MAP7D2: variants seen among roughly 807,000 people sequenced by gnomAD.
MAP7D2 encodes the protein MAP7 domain-containing protein 2.
Under a neutral mutation model 63.5 loss-of-function variants are expected in MAP7D2, and 33 were observed. That is an observed-to-expected ratio of 0.52 (90% CI 0.39 to 0.70). MAP7D2 has a LOEUF of 0.70. MAP7D2 is among the 30% of genes least tolerant of loss of function. The probability of loss-of-function intolerance (pLI) is 0.00; values close to 1 mark genes in which losing one functional copy is unlikely to be tolerated. For synonymous variants in MAP7D2, 224 were observed against 223.7 expected, an observed-to-expected ratio of 1.00 and a Z score of -0.01; for missense variants, 626 against 604.0, an observed-to-expected ratio of 1.04 and a Z score of -0.38.
rs764871121 is a variant in MAP7D2 at position 20,056,806 on chromosome X, T to C, written c.373-15A>G. On this transcript the variant is annotated splice_polypyrimidine_tract_variant and intron_variant, in intron 3 of 16. Transcript: ENST00000379643. ...TCCAGCCGTTCCTACACAGTTCGTGTAAGGCAAGTGTTAACAAGATTAACT... is the reference window on the plus strand; with the variant it reads ...TCCAGCCGTTCCTACACAGTTCGTGCAAGGCAAGTGTTAACAAGATTAACT... The C allele has an allele frequency of 8.4e-7, 1 of 1,197,247 alleles. No individual in the cohort carries two copies. Among genetic ancestry groups the C allele is most frequent in the Admixed American group, 2.2e-5 (1 of 46,022 alleles).
chrX:20,018,516 C>T (rs1240334172), intron 10 of MAP7D2, among the ~76,000 whole-genome samples: 1 of 101,234 alleles, frequency 9.9e-6, no homozygotes, highest in Non-Finnish European at 2.0e-5. Context: ...GATCTTGGCT[C>T]ACTACAACCT....
At chrX:20,099,498 G>A (rs934491616) in intron 1 of MAP7D2, among the ~76,000 whole-genome samples, 2 of 111,687 alleles carry the variant, frequency 1.8e-5, no homozygotes, top group East Asian at 2.8e-4. Context: ...CCCACCTTCC[G>A]AGATTCTTTT....
chrX:20,034,156 C>T (rs1380632654), intron 8 of MAP7D2, among the ~76,000 whole-genome samples: 2 of 87,988 alleles, frequency 2.3e-5, no homozygotes, highest in Admixed American at 1.6e-4. Flanking sequence ...ACCTGCCAGG[C>T]AAAGGTTGCT....
chrX:20,071,306 T>A (rs954982012), intron 1 of MAP7D2, among the ~76,000 whole-genome samples: 4 of 112,395 alleles, frequency 3.6e-5, no homozygotes, highest in African/African-American at 1.3e-4. Flanking sequence ...GATGCCTGGG[T>A]CTCCCTTCAG....
At chrX:20,074,577 A>C (rs2065597655) in intron 1 of MAP7D2, among the ~76,000 whole-genome samples, 1 of 111,733 alleles carries the variant, frequency 8.9e-6, no homozygotes. Flanking sequence ...TTCCCATTTA[A>C]ATTTCTTTCA....
intron 15 of MAP7D2, among the ~76,000 whole-genome samples, 158 bp downstream of exon 15, chrX:20,012,191 G>A (rs748772973): frequency 8.9e-6 from 1 of 111,767 alleles, no homozygotes; most frequent in East Asian, 2.8e-4. Flanking sequence ...GGAACCTGAC[G>A]CAAGACACTA....
intron 1 of MAP7D2, among the ~76,000 whole-genome samples, chrX:20,094,546 A>ATATATATATATATATATATATG (rs2066189503): frequency 1.2e-4 from 1 of 8,500 alleles, no homozygotes; most frequent in Non-Finnish European, 1.9e-4. Flanking sequence ...ATATATGTAT[A>ATATATATATATATATATATATG]TATATATATA....
At chrX:20,077,953 G>A (rs1452178566) in intron 1 of MAP7D2, among the ~76,000 whole-genome samples, 1 of 112,059 alleles carries the variant, frequency 8.9e-6, no homozygotes, top group African/African-American at 3.2e-5. Context: ...GAGAGATCCT[G>A]TCTTCAGCAA....
intron 8 of MAP7D2, 147 bp from the exon 9 acceptor site, chrX:20,026,099 A>G (rs917153905): frequency 6.2e-6 from 4 of 641,072 alleles, no homozygotes; most frequent in Non-Finnish European, 9.4e-6. Flanking sequence ...AAAAGTCACT[A>G]AAGTGCTCTC....
intron 1 of MAP7D2, among the ~76,000 whole-genome samples, chrX:20,065,032 C>A (rs2065316575): frequency 9.0e-6 from 1 of 111,470 alleles, no homozygotes; most frequent in Non-Finnish European, 1.9e-5. Flanking sequence ...TGTAGTTGGG[C>A]CAACATCAGC....
At position 20,025,349 on chromosome X, in the gene MAP7D2, T is replaced by C. The variant is rs115070478; in HGVS notation, c.1280-266A>G. 3.6e-5 allele frequency among the ~76,000 whole-genome samples: 4 copies of C among 111,898 alleles called. No homozygotes were observed. In the Admixed American group the frequency reaches 3.8e-4, roughly 11 times the overall value. On this transcript the variant is annotated intron_variant, in intron 9 of 16. Transcript: ENST00000379643. Reference sequence around the variant, plus strand: ...CTAGCAAGTGCCACAGCAGCCACCATCTGGGTGAACTCACTGCATCATAGA... The same window carrying C: ...CTAGCAAGTGCCACAGCAGCCACCACCTGGGTGAACTCACTGCATCATAGA...
At position 20,027,794 on chromosome X, in the gene MAP7D2, G is replaced by C. The variant is rs959354562; in HGVS notation, c.1008-1842C>G. 3.9e-4 allele frequency among the ~76,000 whole-genome samples: 42 copies of C among 106,911 alleles called. 1 individual carries two copies. Among genetic ancestry groups the C allele is most frequent in the African/African-American group, 1.2e-3 (36 of 29,086 alleles). The allele number at this position is 106,911 out of a possible 115,157, so 92.8% of individuals were successfully genotyped here. ...AGAGAGAGAGAGAGAGAGAGAGACA[G>C]AGACAGACAGAGACAGAGACAGATG... is the stretch of plus-strand genomic sequence containing the variant. On this transcript the variant is annotated intron_variant, in intron 8 of 16. Coordinates refer to ENST00000379643, the MANE Select transcript of MAP7D2 (RefSeq NM_001168465.2).
In MAP7D2 at chrX:20,050,832, T is replaced by A. The variant is rs762764716; in HGVS notation, c.710A>T (p.Asn237Ile). Residue 237 changes from asparagine (N) to isoleucine (I), a missense_variant, in exon 6 of 17, where the codon AAT (asparagine) becomes ATT (isoleucine). By Grantham distance (149) the Asn-to-Ile change is moderately radical. Coordinates refer to ENST00000379643, the MANE Select transcript of MAP7D2 (RefSeq NM_001168465.2). ...RASVMLSGQA[N>I]DSVFHVCPRL... ...AGCTTAGCCTCTTTTACCTGAATCA[T>A]TGGCCTGCCCAGAGAGCATGACTGA... 13 of 1,182,762 alleles carry A rather than the reference T, an allele frequency of 1.1e-5. No homozygotes were observed. The South Asian group carries it at 2.3e-4, about 21-fold the overall frequency.
At chrX:20,055,571 CAAAG>C (rs1052421192) in intron 4 of MAP7D2, among the ~76,000 whole-genome samples, 1 of 111,240 alleles carries the variant, frequency 9.0e-6, no homozygotes, top group African/African-American at 3.3e-5. Context: ...GACAGAGGAA[CAAAG>C]AAATATGGGC....
At position 20,027,605 on chromosome X, in the gene MAP7D2, T is replaced by C. The variant is rs759198525; in HGVS notation, c.1008-1653A>G. ...CAGGTTATGACAACCAAAAATGCCT[T>C]CAGACATTGCTAAACGTCCCCTTAG... On this transcript the variant is annotated intron_variant, in intron 8 of 16. Transcript: ENST00000379643. Among the ~76,000 whole-genome samples the C allele has an allele frequency of 5.5e-5, 6 of 109,978 alleles. No homozygotes were observed. The South Asian group carries it at 2.0e-3, about 36-fold the overall frequency.
chrX:20,025,150 C>G lies in MAP7D2; in HGVS notation c.1280-67G>C, dbSNP rs1423754260. ...AACGAATATAATGATTCCACTCACA[C>G]AGCAGCTGCCAGTTGGAAGTGAAAA... On this transcript the variant is annotated intron_variant, in intron 9 of 16. Transcript: ENST00000379643. The G allele has an allele frequency of 5.4e-6, 6 of 1,110,537 alleles. No homozygotes were observed. In the African/African-American group the frequency reaches 1.1e-4, roughly 20 times the overall value. The allele number at this position is 1,110,537 out of a possible 1,213,427, so 91.5% of individuals were successfully genotyped here.
At chrX:20,011,599 T>C (rs932777381) in intron 15 of MAP7D2, among the ~76,000 whole-genome samples, 27 of 112,227 alleles carry the variant, frequency 2.4e-4, no homozygotes, top group African/African-American at 7.5e-4. Context: ...CTGATCGTGC[T>C]GAGAAGAGTT....
chrX:20,033,719 C>A (rs779347542), intron 8 of MAP7D2, among the ~76,000 whole-genome samples: 1 of 111,469 alleles, frequency 9.0e-6, no homozygotes, highest in Admixed American at 9.6e-5. Context: ...GTTCATAGGG[C>A]TAATTAAGCC....
At chrX:20,115,088 T>A (rs1230233519) in intron 1 of MAP7D2, among the ~76,000 whole-genome samples, 1 of 111,223 alleles carries the variant, frequency 9.0e-6, no homozygotes, top group Non-Finnish European at 1.9e-5. Context: ...TATTTTTCTA[T>A]ATTTCCAATT....
Sources: allele counts gnomAD v4.1 joint callset (sites outside exome capture counted in the v4.1 genomes callset), GRCh38; gene constraint gnomAD v4.1.1; transcripts MANE v1.5; gene names NCBI Gene and HGNC (gene_info 2026-07-23, HGNC 2026-07-21).